BZW2: variants seen among roughly 807,000 people sequenced by gnomAD.
BZW2 encodes the protein eIF5-mimic protein 1.
Under a neutral mutation model 53.2 loss-of-function variants are expected in BZW2, and 23 were observed. The ratio of observed to expected loss-of-function variants is 0.43; its 90% CI spans 0.31 to 0.61. The LOEUF is 0.61. BZW2 is among the 20% of genes least tolerant of loss of function. BZW2 has a pLI of 0.09. For synonymous variants in BZW2, 227 were observed against 186.4 expected (o/e 1.22, Z -1.77); for missense variants, 409 against 503.1 (o/e 0.81, Z 1.79).
At chr7:16,678,155 C>G (rs75085536) in intron 3 of BZW2, among the ~76,000 whole-genome samples, 1 of 143,558 alleles carries the variant, frequency 7.0e-6, no homozygotes, top group African/African-American at 2.6e-5. Flanking sequence ...CTGCAACTTC[C>G]GCCTCCTGGA....
rs559712082 is a variant in BZW2, at chr7:16,674,672, A to G, written c.235+84A>G. 453 of 1,193,960 alleles carry G rather than the reference A, an allele frequency of 3.8e-4. 8 individuals are homozygous for G. The South Asian group carries it at 0.011, about 28-fold the overall frequency. The allele number at this position is 1,193,960 out of a possible 1,614,324, so 74.0% of individuals were successfully genotyped here. ...TATTTCCTTATAAGATAGAGTCTTTATAAGTTTATGTTTATTAGAGTTAAT... is the reference window on the plus strand; with the variant it reads ...TATTTCCTTATAAGATAGAGTCTTTGTAAGTTTATGTTTATTAGAGTTAAT... On this transcript the variant is annotated intron_variant, in intron 3 of 11. Transcript: ENST00000258761.
intron 8 of BZW2, 26 bp downstream of exon 8, chr7:16,695,030 C>T: frequency 6.6e-7 from 1 of 1,523,184 alleles, no homozygotes; most frequent in Non-Finnish European, 8.9e-7. Context: ...CAGACATCAC[C>T]TCAATACACA....
chr7:16,680,901 C>T (rs982070382), intron 3 of BZW2, among the ~76,000 whole-genome samples: 6 of 151,766 alleles, frequency 4.0e-5, no homozygotes, highest in Admixed American at 6.6e-5. Flanking sequence ...GTCAGGAGTT[C>T]GAGACCAGCC....
At chr7:16,693,961 T>G (rs1213577577) in intron 7 of BZW2, among the ~76,000 whole-genome samples, 2 of 152,214 alleles carry the variant, frequency 1.3e-5, no homozygotes, top group Non-Finnish European at 2.9e-5. Flanking sequence ...TGGAACCACA[T>G]AGCCATTGGC....
At chr7:16,694,247 G>A (rs55975927) in intron 7 of BZW2, among the ~76,000 whole-genome samples, 7,889 of 152,266 alleles carry the variant, frequency 0.052, 280 homozygotes, top group Non-Finnish European at 0.083. Context: ...GGTAGGGTAG[G>A]TGTCTTAGAC....
chr7:16,670,240 C>T (rs1782561327), intron 2 of BZW2, among the ~76,000 whole-genome samples: 1 of 152,196 alleles, frequency 6.6e-6, no homozygotes, highest in Non-Finnish European at 1.5e-5. Flanking sequence ...CTGTAGTATG[C>T]TATCTTCCTT....
intron 1 of BZW2, among the ~76,000 whole-genome samples, chr7:16,656,979 A>G (rs969011409): frequency 5.3e-5 from 8 of 152,116 alleles, no homozygotes; most frequent in South Asian, 4.2e-4. Flanking sequence ...ACATCCCAGG[A>G]TCATAGTGAA....
chr7:16,698,006 T>G, intron 9 of BZW2, 42 bp from the exon 10 acceptor site: 1 of 1,612,062 alleles, frequency 6.2e-7, no homozygotes, highest in Non-Finnish European at 8.5e-7. Flanking sequence ...GCTCTGTACC[T>G]CCCACGCAAG....
At chr7:16,675,818 G>C (rs1247605345) in intron 3 of BZW2, among the ~76,000 whole-genome samples, 1 of 152,170 alleles carries the variant, frequency 6.6e-6, no homozygotes, top group Non-Finnish European at 1.5e-5. Flanking sequence ...GGTGGCTCAC[G>C]CCTGTAATCC....
chr7:16,669,649 A>AT (rs1184651873), intron 2 of BZW2, among the ~76,000 whole-genome samples: 1 of 152,242 alleles, frequency 6.6e-6, no homozygotes, highest in African/African-American at 2.4e-5. Flanking sequence ...TTCTGCTATT[A>AT]TATCACTTCA....
At chr7:16,666,437 TC>T (rs1235746018) in intron 2 of BZW2, among the ~76,000 whole-genome samples, 4 of 121,300 alleles carry the variant, frequency 3.3e-5, no homozygotes, top group Non-Finnish European at 7.3e-5. Context: ...GGAGTCTTGC[TC>T]CGTCGTCAGG....
chr7:16,681,331 A>G lies in BZW2; in HGVS notation c.266A>G (p.Asp89Gly). The change falls in exon 4 of 12, where the codon GAC becomes GGC. Residue 89 changes from aspartate to glycine, a missense_variant. By Grantham distance (94) the Asp-to-Gly change is moderately conservative. This residue lies in a region of BZW2 where 316 missense variants were observed against 366.8 expected (regional missense o/e 0.86). Transcript: ENST00000258761. Reference protein sequence around the residue: ...APGGTRIDDGDKTKMTNHCVF... With the variant: ...APGGTRIDDGGKTKMTNHCVF... The stretch of plus-strand genomic sequence containing the variant: ...GGAGGAACGCGCATAGATGATGGTG[A>G]CAAGACCAAGATGACCAACCACTGT... The G allele has an allele frequency of 6.2e-7, 1 of 1,614,078 alleles. No homozygotes were observed.
At chr7:16,654,219 G>A (rs1782063586) in intron 1 of BZW2, among the ~76,000 whole-genome samples, 3 of 151,362 alleles carry the variant, frequency 2.0e-5, no homozygotes, top group Admixed American at 1.3e-4. Context: ...GACAGAGTAA[G>A]ACTCTGTCTC....
chr7:16,691,902 G>A lies in BZW2; in HGVS notation c.651+1996G>A, dbSNP rs966615057. The stretch of plus-strand genomic sequence containing the variant: ...TCTGTGTGTGTGTGTGTGTGTGTGT[G>A]TACATATGTGTGTGTTTGTGTATAT... On this transcript the variant is annotated intron_variant, in intron 7 of 11. Coordinates refer to ENST00000258761, the MANE Select transcript of BZW2 (RefSeq NM_014038.3). Among the ~76,000 whole-genome samples, 8 of 145,364 alleles carry A rather than the reference G, an allele frequency of 5.5e-5. No individual in the cohort carries two copies. The South Asian group carries it at 6.5e-4, about 12-fold the overall frequency.
chr7:16,684,618 A>G (rs138675658), intron 5 of BZW2, among the ~76,000 whole-genome samples: 178 of 152,290 alleles, frequency 1.2e-3, no homozygotes, highest in African/African-American at 4.1e-3. Flanking sequence ...ATTTATTTTT[A>G]TAATGGAGGA....
intron 1 of BZW2, among the ~76,000 whole-genome samples, chr7:16,659,108 C>A (rs997398462): frequency 1.3e-5 from 2 of 151,236 alleles, no homozygotes; most frequent in African/African-American, 4.9e-5. Context: ...TAAAAAAAAA[C>A]AATAAAAAAA....
intron 4 of BZW2, among the ~76,000 whole-genome samples, chr7:16,681,772 C>G (rs1183862205): frequency 6.6e-6 from 1 of 152,164 alleles, no homozygotes. Flanking sequence ...GCGGAGGTTG[C>G]AGTGAGCTGA....
intron 9 of BZW2, among the ~76,000 whole-genome samples, 173 bp downstream of exon 9, chr7:16,697,234 C>T (rs912120567): frequency 6.6e-5 from 10 of 152,164 alleles, no homozygotes; most frequent in Non-Finnish European, 1.0e-4. Flanking sequence ...GGACTACAGG[C>T]GCGTGCCACC....
intron 8 of BZW2, 148 bp downstream of exon 8, chr7:16,695,152 G>A (rs1037986931): frequency 2.1e-5 from 15 of 713,806 alleles, no homozygotes; most frequent in Non-Finnish European, 2.8e-5. Context: ...AATTAACTCA[G>A]CTTCAAAGTA....
Sources: allele counts gnomAD v4.1 joint callset (sites outside exome capture counted in the v4.1 genomes callset), GRCh38; gene constraint gnomAD v4.1.1; regional missense constraint gnomAD v4.1.1; transcripts MANE v1.5; gene names NCBI Gene and HGNC (gene_info 2026-07-23, HGNC 2026-07-21).